SMPDL3B: variants seen among roughly 807,000 people sequenced by gnomAD.
SMPDL3B encodes the protein acid sphingomyelinase-like phosphodiesterase 3b.
Under a neutral mutation model 37.9 loss-of-function variants are expected in SMPDL3B, and 31 were observed. The observed-to-expected ratio is 0.82, with a 90% CI of 0.61 to 1.10. The LOEUF (loss-of-function observed/expected upper bound fraction) is 1.10, where lower values mean the gene tolerates loss of function less well. Ranked by LOEUF, SMPDL3B falls within the 50% of genes least tolerant of loss-of-function variation. SMPDL3B has a pLI of 0.00. For synonymous variants in SMPDL3B, 235 were observed against 242.6 expected (o/e 0.97, Z 0.29); for missense variants, 525 against 597.8 (o/e 0.88, Z 1.27).
At chr1:27,952,573 G>C (rs1462917266) in intron 3 of SMPDL3B, among the ~76,000 whole-genome samples, 1 of 152,152 alleles carries the variant, frequency 6.6e-6, no homozygotes, top group African/African-American at 2.4e-5. Flanking sequence ...ACACCTCCAG[G>C]CCTCATTCAC....
At position 27,959,023 on chromosome 1, in the gene SMPDL3B, T is replaced by C. The variant is rs12402958; in HGVS notation, c.*185T>C. 0.97 allele frequency: 659,835 copies of C among 678,964 alleles called. 321,515 individuals carry two copies. Among genetic ancestry groups the C allele is most frequent in the South Asian group, 1 (45,211 of 45,284 alleles). The allele number at this position is 678,964 out of a possible 1,614,324, so 42.1% of individuals were successfully genotyped here. On this transcript the variant is annotated 3_prime_UTR_variant, in exon 8 of 8. Transcript: ENST00000373894. ...TCGCGCCACTGCACTCCAGCCTGGGTGACAAAGCCAGACTCTCTCCAAAAA... is the reference window on the plus strand; with the variant it reads ...TCGCGCCACTGCACTCCAGCCTGGGCGACAAAGCCAGACTCTCTCCAAAAA...
intron 1 of SMPDL3B, chr1:27,941,530 A>T (rs1312993988): frequency 6.6e-6 from 1 of 152,276 alleles, no homozygotes; most frequent in African/African-American, 2.4e-5. Flanking sequence ...GCTCTCATGG[A>T]ACTGACATTG....
chr1:27,958,712 G>T lies in SMPDL3B; in HGVS notation c.1242G>T (p.Val414=). 6.2e-7 allele frequency: 1 copy of T among 1,613,882 alleles called. No individual in the cohort carries two copies. Among genetic ancestry groups the T allele is most frequent in the Admixed American group, 1.7e-5 (1 of 60,030 alleles). Residue 414 remains valine (V), a synonymous_variant, in exon 8 of 8, where the codon GTG becomes GTT. Transcript: ENST00000373894. The surrounding 1 kb of genome is among the most constrained non-coding windows in gnomAD (Gnocchi z 5.6). ...ACGAGGCCTGCAGCATGCAGCACGTGTGTGCCATGCGCCAGGTGGACATTG... is the reference window on the plus strand; with the variant it reads ...ACGAGGCCTGCAGCATGCAGCACGTTTGTGCCATGCGCCAGGTGGACATTG... The part of the protein sequence containing the change: ...VCDEACSMQH[V]CAMRQVDIDA...
intron 7 of SMPDL3B, among the ~76,000 whole-genome samples, chr1:27,957,730 C>T (rs551776708): frequency 1.1e-4 from 17 of 152,146 alleles, no homozygotes; most frequent in South Asian, 2.1e-4. Flanking sequence ...ACCATCACCC[C>T]CTAACAGGCC....
Position 27,949,168 on chromosome 1 carries a change from A to T in SMPDL3B, c.373+6A>T. On this transcript the variant is annotated splice_donor_region_variant and intron_variant, in intron 3 of 7. Coordinates refer to ENST00000373894, the MANE Select transcript of SMPDL3B (RefSeq NM_014474.4). ...CATCAGAGAGGTCTTTCCAGGTAAG[A>T]CTGTGCCATCAGTCCCTCCACAGTG... The T allele has an allele frequency of 6.2e-7, 1 of 1,614,076 alleles. No homozygotes were observed. Among genetic ancestry groups the T allele is most frequent in the African/African-American group, 1.3e-5 (1 of 75,050 alleles).
intron 3 of SMPDL3B, among the ~76,000 whole-genome samples, chr1:27,952,062 A>G (rs2090459484): frequency 6.6e-6 from 1 of 152,250 alleles, no homozygotes; most frequent in Admixed American, 6.5e-5. Flanking sequence ...AGACATGGCA[A>G]TGAACAAGAC....
intron 7 of SMPDL3B, chr1:27,956,340 C>T (rs926290112): frequency 2.0e-5 from 27 of 1,379,920 alleles, no homozygotes; most frequent in Non-Finnish European, 2.6e-5. Context: ...CTGGCCCTGC[C>T]CTGCTATGGC....
Position 27,949,124 on chromosome 1 carries a change from T to C in SMPDL3B, c.335T>C (p.Val112Ala), listed in dbSNP as rs770561439. Residue 112 changes from valine (V) to alanine (A), a missense_variant, in exon 3 of 8, where the codon GTG becomes GCG. By Grantham distance (64) the Val-to-Ala change is moderately conservative. Coordinates refer to ENST00000373894, the MANE Select transcript of SMPDL3B (RefSeq NM_014474.4). ...KLGEAAVLEIVERLTKLIREV... is the reference protein window; with the variant it reads ...KLGEAAVLEIAERLTKLIREV... ...GGAGAGGCAGCTGTACTGGAAATTGTGGAACGCCTGACCAAGCTCATCAGA... is the reference window on the plus strand; with the variant it reads ...GGAGAGGCAGCTGTACTGGAAATTGCGGAACGCCTGACCAAGCTCATCAGA... The C allele has an allele frequency of 2.5e-6, 4 of 1,614,230 alleles. No individual in the cohort carries two copies. Among genetic ancestry groups the C allele is most frequent in the South Asian group, 1.1e-5 (1 of 91,088 alleles).
chr1:27,958,644 T>A lies in SMPDL3B; in HGVS notation c.1174T>A (p.Tyr392Asn). ...IAGDQSTLQR[Y>N]YVYNSVSYSA... The stretch of plus-strand genomic sequence containing the variant: ...TGGCGACCAGAGCACACTGCAGCGC[T>A]ACTACGTCTATAACTCAGTCAGCTA... The change falls in exon 8 of 8, where the codon TAC (tyrosine) becomes AAC (asparagine). Residue 392 changes from tyrosine (Y) to asparagine (N), a missense_variant. Transcript: ENST00000373894. The surrounding 1 kb of genome is among the most constrained non-coding windows in gnomAD (Gnocchi z 5.6). 1 of 1,613,930 alleles carries A rather than the reference T, an allele frequency of 6.2e-7. No individual in the cohort carries two copies. Among genetic ancestry groups the A allele is most frequent in the Non-Finnish European group, 8.5e-7 (1 of 1,179,944 alleles).
chr1:27,940,837 G>T (rs1371807483), intron 1 of SMPDL3B, among the ~76,000 whole-genome samples: 9 of 152,166 alleles, frequency 5.9e-5, no homozygotes, highest in Admixed American at 5.9e-4. Context: ...AAAGGGTAAA[G>T]CATTAAAGTA....
In SMPDL3B at chr1:27,958,451, G is replaced by A. The variant is rs1449960248; in HGVS notation, c.1006-25G>A. 3.2e-6 allele frequency: 5 copies of A among 1,575,660 alleles called. No individual in the cohort carries two copies. Among genetic ancestry groups the A allele is most frequent in the Non-Finnish European group, 4.3e-6 (5 of 1,154,952 alleles). Reference sequence around the variant, plus strand: ...TGGAAGCAGACAACTGCTCACAGCCGGTCTACCCCAAACCCTTTTTCCAGG... The same window carrying A: ...TGGAAGCAGACAACTGCTCACAGCCAGTCTACCCCAAACCCTTTTTCCAGG... On this transcript the variant is annotated intron_variant, in intron 7 of 7. Coordinates refer to ENST00000373894, the MANE Select transcript of SMPDL3B (RefSeq NM_014474.4). This position sits in a 1 kb window ranked among gnomAD's most constrained non-coding sequence, Gnocchi z 5.6.
At position 27,945,586 on chromosome 1, in the gene SMPDL3B, A is replaced by G. The variant is rs2148676054; in HGVS notation, c.275+141A>G. On this transcript the variant is annotated intron_variant, in intron 2 of 7. Coordinates refer to ENST00000373894, the MANE Select transcript of SMPDL3B (RefSeq NM_014474.4). This position sits in a 1 kb window ranked among gnomAD's most constrained non-coding sequence, Gnocchi z 4.0. ...GCTGAGGAACCTAAAGCTCAAAGGA[A>G]TTTTGTAACTTGCCCGGGGATTCCT... 2.8e-6 allele frequency: 2 copies of G among 716,032 alleles called. No individual in the cohort carries two copies. The highest frequency in any genetic ancestry group is 4.8e-6 in the Non-Finnish European group (2 of 417,450). The allele number at this position is 716,032 out of a possible 1,614,324, so 44.4% of individuals were successfully genotyped here. A position where few individuals can be genotyped will look rare whatever the true frequency, so the allele number is the denominator to read the frequency against.
At chr1:27,949,001 C>A in intron 2 of SMPDL3B, 64 bp from the exon 3 acceptor site, 1 of 1,611,496 alleles carries the variant, frequency 6.2e-7, no homozygotes, top group South Asian at 1.1e-5. Context: ...CAGAGCTGTC[C>A]CTTCCTTTTC....
chr1:27,952,364 G>A (rs1419773488), intron 3 of SMPDL3B, among the ~76,000 whole-genome samples: 1 of 152,158 alleles, frequency 6.6e-6, no homozygotes, highest in African/African-American at 2.4e-5. Context: ...GGAGGCTCCA[G>A]CCTCCCTCAT....
Position 27,942,323 on chromosome 1 carries a change from CA to C in SMPDL3B, c.62-2907del, listed in dbSNP as rs369797171. 1.4e-5 allele frequency: 5 copies of C among 370,190 alleles called. No individual in the cohort carries two copies. The Admixed American group carries it at 1.6e-4, about 12-fold the overall frequency. The allele number at this position is 370,190 out of a possible 1,614,324, so 22.9% of individuals were successfully genotyped here. Reference sequence around the variant, plus strand: ...CAAGAGAAAGGCAAAGGGCCTCCCCCAACATCCATCCTGGCCAGCCTGGCTC... The same window carrying C: ...CAAGAGAAAGGCAAAGGGCCTCCCCCACATCCATCCTGGCCAGCCTGGCTC... On this transcript the variant is annotated intron_variant, in intron 1 of 7. Transcript: ENST00000373894.
chr1:27,944,469 C>T (rs2090389262), intron 1 of SMPDL3B, among the ~76,000 whole-genome samples: 1 of 152,146 alleles, frequency 6.6e-6, no homozygotes. Flanking sequence ...ATCCTCTCAC[C>T]TTAGCCTCCT....
intron 3 of SMPDL3B, among the ~76,000 whole-genome samples, chr1:27,951,991 A>C (rs1269831588): frequency 6.6e-6 from 1 of 152,206 alleles, no homozygotes; most frequent in African/African-American, 2.4e-5. Context: ...TCACTCATTT[A>C]GTCAATCAAC....
rs554152363 is a variant in SMPDL3B, at chr1:27,945,908, G to C, written c.275+463G>C. 1.8e-4 allele frequency among the ~76,000 whole-genome samples: 27 copies of C among 152,200 alleles called. No individual in the cohort carries two copies. The highest frequency in any genetic ancestry group is 3.8e-4 in the Non-Finnish European group (26 of 68,008). On this transcript the variant is annotated intron_variant, in intron 2 of 7. Coordinates refer to ENST00000373894, the MANE Select transcript of SMPDL3B (RefSeq NM_014474.4). This position sits in a 1 kb window ranked among gnomAD's most constrained non-coding sequence, Gnocchi z 4.0. ...ACCCCTGGGCTGCCCAGTGGTCCTG[G>C]ATTTTCTCACCAGTCAGAGCTCTGC...
chr1:27,938,103 C>A (rs1175343853), intron 1 of SMPDL3B, among the ~76,000 whole-genome samples: 2 of 152,196 alleles, frequency 1.3e-5, no homozygotes, highest in Admixed American at 1.3e-4. Flanking sequence ...TCTGGGGTAG[C>A]CCTGCTCTGC....
Sources: allele counts gnomAD v4.1 joint callset (sites outside exome capture counted in the v4.1 genomes callset), GRCh38; gene constraint gnomAD v4.1.1; non-coding constraint Gnocchi (gnomAD v3.1); transcripts MANE v1.5; gene names NCBI Gene and HGNC (gene_info 2026-07-23, HGNC 2026-07-21).